The following DDX60 variants were observed in gnomAD, a reference collection of about 807,000 sequenced individuals.
DDX60 encodes the protein DExD/H-box helicase 60, also known as probable ATP-dependent RNA helicase DDX60.
Under a neutral mutation model 212.8 loss-of-function variants are expected in DDX60, and 165 were observed. That is an observed-to-expected ratio of 0.78 (90% CI 0.68 to 0.88). The LOEUF (loss-of-function observed/expected upper bound fraction) is 0.88. Ranked by LOEUF, DDX60 falls within the 40% of genes least tolerant of loss-of-function variation. DDX60 has a pLI of 0.00. For missense variants in DDX60, 1,905 were observed against 2,003.9 expected (o/e 0.95, Z 0.94); for synonymous variants, 703 against 685.3 (o/e 1.03, Z -0.40).
chr4:168,299,292 A>T (rs138032905), intron 6 of DDX60, among the ~76,000 whole-genome samples: 333 of 152,100 alleles, frequency 2.2e-3, no homozygotes, highest in African/African-American at 7.1e-3. Flanking sequence ...AATGACAAAA[A>T]ATTTACAGCA....
chr4:168,293,752 A>G (rs1736214559), intron 7 of DDX60, 35 bp downstream of exon 7: 2 of 1,524,844 alleles, frequency 1.3e-6, no homozygotes, highest in African/African-American at 1.4e-5. Context: ...TGTGGAGAGA[A>G]ATAGTATTTC....
At chr4:168,310,743 G>T (rs1245359337) in intron 3 of DDX60, among the ~76,000 whole-genome samples, 1 of 152,124 alleles carries the variant, frequency 6.6e-6, no homozygotes, top group Non-Finnish European at 1.5e-5. Flanking sequence ...TGTATGTGTT[G>T]GATGTGCCCT....
chr4:168,320,465 T>A (rs1253785645), upstream of DDX60, among the ~76,000 whole-genome samples: 4 of 152,024 alleles, frequency 2.6e-5, no homozygotes, highest in Admixed American at 6.6e-5. Context: ...AGGAAACATT[T>A]TTTTTTTCTA....
At chr4:168,279,840 T>C (rs1735512044) in intron 14 of DDX60, among the ~76,000 whole-genome samples, 1 of 152,162 alleles carries the variant, frequency 6.6e-6, no homozygotes, top group Non-Finnish European at 1.5e-5. Context: ...TGTTTCAAAT[T>C]ACATGGATAT....
At chr4:168,225,394 G>T in intron 34 of DDX60, 135 bp downstream of exon 34, 2 of 943,546 alleles carry the variant, frequency 2.1e-6, no homozygotes, top group Non-Finnish European at 3.0e-6. Flanking sequence ...TTTTTCTTTA[G>T]AAAGGAAAAG....
Position 168,302,776 on chromosome 4 carries a change from G to A in DDX60, c.607-360C>T, listed in dbSNP as rs943915570. ...CACTTCCAGCACCCTCCAAAACACCGTCATCCCCATTTAATGCCATATATT... is the reference window on the plus strand; with the variant it reads ...CACTTCCAGCACCCTCCAAAACACCATCATCCCCATTTAATGCCATATATT... On this transcript the variant is annotated intron_variant, in intron 5 of 37. Coordinates refer to ENST00000393743, the MANE Select transcript of DDX60 (RefSeq NM_017631.6). Among the ~76,000 whole-genome samples, 27 of 152,016 alleles carry A rather than the reference G, an allele frequency of 1.8e-4. 1 individual carries two copies. The South Asian group carries it at 4.4e-3, about 25-fold the overall frequency.
chr4:168,281,446 TGA>T (rs1735589152), intron 13 of DDX60, among the ~76,000 whole-genome samples: 1 of 152,202 alleles, frequency 6.6e-6, no homozygotes, highest in African/African-American at 2.4e-5. Flanking sequence ...TTGAGATCCT[TGA>T]GACAGGAATG....
chr4:168,308,128 T>C lies in DDX60; in HGVS notation c.142A>G (p.Ile48Val). ...FFLIDGDSLL[I>V]TCICEISFKP... Reference sequence around the variant, plus strand: ...AATGATATCTCACAGATACATGTGATAAGTAATGAATCCCCATCAATCAAA... The same window carrying C: ...AATGATATCTCACAGATACATGTGACAAGTAATGAATCCCCATCAATCAAA... Residue 48 changes from isoleucine to valine, a missense_variant, in exon 4 of 38, where the codon ATC becomes GTC. Ile to Val is a conservative substitution (Grantham distance 29). Coordinates refer to ENST00000393743, the MANE Select transcript of DDX60 (RefSeq NM_017631.6). 6.2e-7 allele frequency: 1 copy of C among 1,605,778 alleles called. No individual in the cohort carries two copies. The highest frequency in any genetic ancestry group is 8.5e-7 in the Non-Finnish European group (1 of 1,174,556).
At chr4:168,275,141 C>T (rs1316515601) in intron 16 of DDX60, among the ~76,000 whole-genome samples, 1 of 152,032 alleles carries the variant, frequency 6.6e-6, no homozygotes, top group Non-Finnish European at 1.5e-5. Context: ...TAATGTACCT[C>T]CAAGGAAATG....
chr4:168,259,951 A>G (rs1345389534), intron 25 of DDX60, among the ~76,000 whole-genome samples: 1 of 152,050 alleles, frequency 6.6e-6, no homozygotes, highest in African/African-American at 2.4e-5. Flanking sequence ...AAGAACCTTT[A>G]TGTATTAAAA....
At chr4:168,324,123 A>C in the DDX60 span, among the ~76,000 whole-genome samples, 4,831 of 152,268 alleles carry the variant, frequency 0.032, 244 homozygotes, top group African/African-American at 0.11. Flanking sequence ...AGAGAGCCCA[A>C]GTTTGGCTCC....
At chr4:168,225,464 A>C in intron 34 of DDX60, 65 bp downstream of exon 34, 1 of 1,460,708 alleles carries the variant, frequency 6.8e-7, no homozygotes, top group Non-Finnish European at 9.3e-7. Context: ...TTCCAGAATA[A>C]ACTATTCTTA....
At chr4:168,277,342 C>T (rs1207112566) in intron 14 of DDX60, among the ~76,000 whole-genome samples, 3 of 152,128 alleles carry the variant, frequency 2.0e-5, no homozygotes, top group Non-Finnish European at 2.9e-5. Flanking sequence ...GGTGCCTCAT[C>T]GTTTTTGTTG....
At chr4:168,246,674 A>G in intron 29 of DDX60, 56 bp from the exon 30 acceptor site, 2 of 1,574,114 alleles carry the variant, frequency 1.3e-6, no homozygotes, top group Non-Finnish European at 8.7e-7. Context: ...CTACTGCCAT[A>G]GTGTAAGAAT....
rs1313168227 is a variant in DDX60 at position 168,221,853 on chromosome 4, C to T, written c.4853G>A (p.Arg1618His). Residue 1618 changes from arginine to histidine, a missense_variant, in exon 36 of 38, where the codon CGC becomes CAC. Arg to His is a conservative substitution (Grantham distance 29). Coordinates refer to ENST00000393743, the MANE Select transcript of DDX60 (RefSeq NM_017631.6). ...TGACAACAGCACTGGAGCCTGAGAG[C>T]GATTGACACCGATTGTGCCTAGAGT... is the stretch of plus-strand genomic sequence containing the variant. ...HVTLGTIGVN[R>H]SQAPVLLSQK... 13 of 1,612,404 alleles carry T rather than the reference C, an allele frequency of 8.1e-6. No homozygotes were observed. The highest frequency in any genetic ancestry group is 9.3e-6 in the Non-Finnish European group (11 of 1,179,104).
At chr4:168,248,466 T>G (rs1374439286) in intron 28 of DDX60, among the ~76,000 whole-genome samples, 174 bp from the exon 29 acceptor site, 1 of 152,176 alleles carries the variant, frequency 6.6e-6, no homozygotes. Context: ...ACAAGTACAT[T>G]CCCAAATGCG....
Position 168,251,035 on chromosome 4 carries a change from C to G in DDX60, c.3777G>C (p.Arg1259Ser). Residue 1259 changes from arginine (R) to serine (S), a missense_variant, in exon 28 of 38, where the codon AGG (arginine) becomes AGC (serine). Coordinates refer to ENST00000393743, the MANE Select transcript of DDX60 (RefSeq NM_017631.6). ...KGEELKALAE[R>S]GIGYHHSAMS... is the part of the protein sequence containing the mutation. The stretch of plus-strand genomic sequence containing the variant: ...TAGCACTGTGATGATATCCAATACC[C>G]CTTTCTGCCAAGGCTTTCAATTCTT... 6.2e-7 allele frequency: 1 copy of G among 1,612,826 alleles called. No individual in the cohort carries two copies. The highest frequency in any genetic ancestry group is 1.1e-5 in the South Asian group (1 of 91,004).
At chr4:168,285,588 A>T in intron 10 of DDX60, 90 bp from the exon 11 acceptor site, 1 of 761,242 alleles carries the variant, frequency 1.3e-6, no homozygotes, top group Non-Finnish European at 2.1e-6. Context: ...ACTTCATATT[A>T]AAAACATTTT....
intron 5 of DDX60, among the ~76,000 whole-genome samples, chr4:168,303,589 C>T (rs1736744072): frequency 6.6e-6 from 1 of 152,164 alleles, no homozygotes; most frequent in South Asian, 2.1e-4. Flanking sequence ...TTTCTACTGC[C>T]TAGTGATGTC....
Sources: allele counts gnomAD v4.1 joint callset (sites outside exome capture counted in the v4.1 genomes callset), GRCh38; gene constraint gnomAD v4.1.1; transcripts MANE v1.5; gene names NCBI Gene and HGNC (gene_info 2026-07-23, HGNC 2026-07-21).